Variants in GRIA1 observed in about 807,000 individuals in gnomAD.
GRIA1 encodes the protein glutamate receptor 1.
A neutral mutation model predicts 99.2 loss-of-function variants in GRIA1; 31 were observed. The ratio of observed to expected loss-of-function variants is 0.31; its 90% CI spans 0.23 to 0.42. GRIA1 has a LOEUF of 0.42. GRIA1 is among the 10% of genes least tolerant of loss of function. GRIA1 has a pLI of 1.00. For missense variants in GRIA1, 782 were observed against 1,157.5 expected (o/e 0.68, Z 4.71); for synonymous variants, 438 against 432.4 (o/e 1.01, Z -0.16).
chr5:153,781,421 C>A (rs1468288501), intron 13 of GRIA1, among the ~76,000 whole-genome samples: 1 of 152,086 alleles, frequency 6.6e-6, no homozygotes, highest in Non-Finnish European at 1.5e-5. Context: ...CACAACTTTC[C>A]CCCACTCCTG....
intron 2 of GRIA1, among the ~76,000 whole-genome samples, chr5:153,547,537 G>T (rs186598879): frequency 2.8e-4 from 43 of 152,266 alleles, no homozygotes; most frequent in African/African-American, 6.5e-4. Context: ...TATTCCCCAT[G>T]TGGGAGTTGT....
chr5:153,596,090 G>C (rs764048189), intron 2 of GRIA1, among the ~76,000 whole-genome samples: 2 of 151,754 alleles, frequency 1.3e-5, no homozygotes, highest in African/African-American at 4.8e-5. Flanking sequence ...CATAGTTTAA[G>C]AGTGACAGAT....
At chr5:153,729,542 A>G (rs1297696612) in intron 11 of GRIA1, among the ~76,000 whole-genome samples, 3 of 152,086 alleles carry the variant, frequency 2.0e-5, no homozygotes, top group Non-Finnish European at 4.4e-5. Flanking sequence ...ATCACAAATC[A>G]TCCAGCTCTC....
chr5:153,558,658 T>C (rs1489301511), intron 2 of GRIA1, among the ~76,000 whole-genome samples: 1 of 152,204 alleles, frequency 6.6e-6, no homozygotes, highest in Non-Finnish European at 1.5e-5. Context: ...ATTTAGTCTG[T>C]ATTCAATTTG....
At chr5:153,603,662 A>T (rs987962600) in intron 2 of GRIA1, among the ~76,000 whole-genome samples, 1 of 152,204 alleles carries the variant, frequency 6.6e-6, no homozygotes, top group Non-Finnish European at 1.5e-5. Context: ...ACTCTGGAAA[A>T]GTGTCTGTAT....
At chr5:153,662,217 G>A (rs1012598970) in intron 5 of GRIA1, among the ~76,000 whole-genome samples, 3 of 152,206 alleles carry the variant, frequency 2.0e-5, no homozygotes, top group African/African-American at 4.8e-5. Flanking sequence ...CTCTCAGGAT[G>A]TGGTTCTTAC....
intron 5 of GRIA1, among the ~76,000 whole-genome samples, chr5:153,659,153 C>T (rs555995830): frequency 6.6e-6 from 1 of 152,222 alleles, no homozygotes; most frequent in Non-Finnish European, 1.5e-5. Flanking sequence ...AATATGTTGC[C>T]AAATGCACCA....
intron 5 of GRIA1, among the ~76,000 whole-genome samples, chr5:153,668,532 G>A (rs1755914961): frequency 1.3e-5 from 2 of 152,174 alleles, no homozygotes; most frequent in African/African-American, 2.4e-5. Context: ...AATAGTAATA[G>A]TAAATTACTA....
intron 2 of GRIA1, among the ~76,000 whole-genome samples, chr5:153,593,444 A>G (rs1343249745): frequency 6.6e-6 from 1 of 152,098 alleles, no homozygotes; most frequent in African/African-American, 2.4e-5. Flanking sequence ...TGACTGTACT[A>G]TGGCAGATGC....
At chr5:153,510,018 C>G (rs1012198484) in intron 2 of GRIA1, among the ~76,000 whole-genome samples, 3 of 152,120 alleles carry the variant, frequency 2.0e-5, no homozygotes, top group African/African-American at 7.2e-5. Flanking sequence ...CTGAAAATGA[C>G]AGCAACAACA....
chr5:153,596,491 G>C (rs1764441845), intron 2 of GRIA1, among the ~76,000 whole-genome samples: 1 of 152,152 alleles, frequency 6.6e-6, no homozygotes, highest in Non-Finnish European at 1.5e-5. Context: ...GTATTACATA[G>C]AGCTCCATTT....
intron 10 of GRIA1, among the ~76,000 whole-genome samples, chr5:153,701,284 T>C (rs535671657): frequency 6.6e-6 from 1 of 152,092 alleles, no homozygotes; most frequent in Non-Finnish European, 1.5e-5. Context: ...CCTGCCTCAG[T>C]AGCCTCCTCC....
At chr5:153,793,790 A>G (rs531699513) in intron 13 of GRIA1, among the ~76,000 whole-genome samples, 4 of 152,228 alleles carry the variant, frequency 2.6e-5, no homozygotes, top group Non-Finnish European at 4.4e-5. Context: ...GCCGAATACT[A>G]ACTTGACTTA....
chr5:153,736,770 C>G (rs961692132), intron 11 of GRIA1, among the ~76,000 whole-genome samples: 1 of 152,212 alleles, frequency 6.6e-6, no homozygotes, highest in Non-Finnish European at 1.5e-5. Context: ...TTTTACACCT[C>G]TGAATGAGGA....
intron 11 of GRIA1, among the ~76,000 whole-genome samples, chr5:153,750,580 A>G (rs544344564): frequency 2.6e-4 from 39 of 152,148 alleles, no homozygotes; most frequent in African/African-American, 8.7e-4. Flanking sequence ...TCCACTCCCT[A>G]CACAGGCCCC....
chr5:153,776,958 C>A (rs1277709808), intron 13 of GRIA1, among the ~76,000 whole-genome samples: 1 of 152,170 alleles, frequency 6.6e-6, no homozygotes, highest in Admixed American at 6.5e-5. Flanking sequence ...ATAGAGAGTT[C>A]TCTTCTTTTA....
intron 2 of GRIA1, among the ~76,000 whole-genome samples, chr5:153,599,006 C>T (rs1392495520): frequency 3.9e-5 from 6 of 152,120 alleles, no homozygotes; most frequent in Admixed American, 2.0e-4. Flanking sequence ...CTCAGCCTCC[C>T]GAGCAGCTGG....
intron 2 of GRIA1, among the ~76,000 whole-genome samples, chr5:153,559,490 G>A (rs1361168616): frequency 6.6e-6 from 1 of 152,230 alleles, no homozygotes; most frequent in South Asian, 2.1e-4. Flanking sequence ...TGGGGACAAG[G>A]ACTCAAGGCC....
At chr5:153,703,111 C>T (rs80269989) in intron 10 of GRIA1, among the ~76,000 whole-genome samples, 3,204 of 152,300 alleles carry the variant, frequency 0.021, 39 homozygotes, top group Middle Eastern at 0.054. Context: ...TAAAATACTA[C>T]TGCTTTTCAC....
Sources: gnomAD v4.1 joint callset for allele counts (sites outside exome capture counted in the v4.1 genomes callset) on GRCh38, gnomAD v4.1.1 for gene constraint, MANE v1.5 for transcripts, NCBI Gene and HGNC (gene_info 2026-07-23, HGNC 2026-07-21) for gene names.